The following RBFOX1 variants were observed in gnomAD, a reference collection of about 807,000 sequenced individuals.
The protein encoded by RBFOX1 is RNA binding fox-1 homolog 1, also known as RNA binding protein fox-1 homolog 1.
Under a neutral mutation model 57.7 loss-of-function variants are expected in RBFOX1, and 8 were observed. The ratio of observed to expected loss-of-function variants is 0.14; its 90% CI spans 0.08 to 0.25. The LOEUF is 0.25. Ranked by LOEUF, RBFOX1 falls within the 10% of genes least tolerant of loss-of-function variation. RBFOX1 has a pLI of 1.00. For synonymous variants in RBFOX1, 326 were observed against 222.4 expected, an observed-to-expected ratio of 1.47 and a Z score of -4.15; for missense variants, 611 against 548.5, an observed-to-expected ratio of 1.11 and a Z score of -1.14.
At chr16:7,372,441 T>C (rs904331104) in intron 4 of RBFOX1, among the ~76,000 whole-genome samples, 2 of 152,194 alleles carry the variant, frequency 1.3e-5, no homozygotes, top group African/African-American at 4.8e-5. Flanking sequence ...TTCTTTTATT[T>C]ATTTGTGCTG....
rs568471387 is a variant in RBFOX1, at chr16:7,558,339, G to C, written c.271-21438G>C. ...ATTGCACTCTAGCCTTTGTGACAAA[G>C]TGAGGCTCTGTCTCAAAATAAGACA... On this transcript the variant is annotated intron_variant, in intron 5 of 15. Coordinates refer to ENST00000550418, the MANE Select transcript of RBFOX1 (RefSeq NM_018723.4). Among the ~76,000 whole-genome samples, 9 of 152,124 alleles carry C rather than the reference G, an allele frequency of 5.9e-5. No individual in the cohort carries two copies. In the East Asian group the frequency reaches 1.6e-3, roughly 26 times the overall value.
chr16:6,997,600 G>A (rs188018862), intron 3 of RBFOX1, among the ~76,000 whole-genome samples: 15 of 152,268 alleles, frequency 9.9e-5, no homozygotes, highest in South Asian at 4.1e-4. Context: ...GATAGACTGC[G>A]TTTTGCAAAC....
At chr16:6,050,973 G>T (rs776049459) in intron 1 of RBFOX1, among the ~76,000 whole-genome samples, 3 of 147,800 alleles carry the variant, frequency 2.0e-5, no homozygotes, top group African/African-American at 7.5e-5. Context: ...GACTCTGCTT[G>T]TCTTTGGTGG....
intron 2 of RBFOX1, among the ~76,000 whole-genome samples, chr16:6,466,092 G>T (rs553546535): frequency 6.6e-6 from 1 of 152,028 alleles, no homozygotes; most frequent in South Asian, 2.1e-4. Flanking sequence ...AGCCAGGTGT[G>T]GTGGTGGGCA....
chr16:5,539,858 CTT>C (rs2151057107), intron 2 of RBFOX1, among the ~76,000 whole-genome samples: 1 of 152,196 alleles, frequency 6.6e-6, no homozygotes, highest in East Asian at 1.9e-4. Flanking sequence ...TTTAAAATGA[CTT>C]TATTTTGGTC....
At chr16:7,094,776 G>GTGTGTGTGTGTGT (rs1567232654) in intron 4 of RBFOX1, among the ~76,000 whole-genome samples, 3 of 133,718 alleles carry the variant, frequency 2.2e-5, no homozygotes, top group South Asian at 2.4e-4. Context: ...GTGTGTGTGT[G>GTGTGTGTGTGTGT]GGTGTGTGTG....
intron 2 of RBFOX1, among the ~76,000 whole-genome samples, chr16:6,514,777 G>GA (rs2096338230): frequency 6.6e-6 from 1 of 151,942 alleles, no homozygotes; most frequent in African/African-American, 2.4e-5. Context: ...GGGTGGAGGA[G>GA]AAAAAAGTGA....
At chr16:6,783,185 A>T (rs2081318677) in intron 3 of RBFOX1, among the ~76,000 whole-genome samples, 1 of 151,894 alleles carries the variant, frequency 6.6e-6, no homozygotes, top group Non-Finnish European at 1.5e-5. Flanking sequence ...AAAAAAATTT[A>T]TTCAGCTAGT....
intron 4 of RBFOX1, among the ~76,000 whole-genome samples, chr16:7,503,162 G>C (rs1327033001): frequency 6.6e-6 from 1 of 152,174 alleles, no homozygotes; most frequent in Non-Finnish European, 1.5e-5. Context: ...CCATTGGGGA[G>C]AGTATTTGAT....
At chr16:6,132,581 TAGTCCAGG>T (rs1281786463) in intron 1 of RBFOX1, among the ~76,000 whole-genome samples, 4 of 152,160 alleles carry the variant, frequency 2.6e-5, no homozygotes, top group Admixed American at 2.0e-4. Flanking sequence ...CTGGGGAACA[TAGTCCAGG>T]AGTACACGTG....
intron 4 of RBFOX1, among the ~76,000 whole-genome samples, chr16:7,245,516 C>G (rs977847285): frequency 6.6e-6 from 1 of 152,052 alleles, no homozygotes; most frequent in African/African-American, 2.4e-5. Flanking sequence ...CCAACAGAGG[C>G]TATTATGATT....
intron 14 of RBFOX1, among the ~76,000 whole-genome samples, chr16:7,702,838 A>G (rs575246558): frequency 6.6e-6 from 1 of 152,328 alleles, no homozygotes; most frequent in East Asian, 1.9e-4. Flanking sequence ...TGTCTTCAAC[A>G]CATCATTTAT....
At chr16:7,089,960 CT>C (rs2060559145) in intron 4 of RBFOX1, among the ~76,000 whole-genome samples, 1 of 151,478 alleles carries the variant, frequency 6.6e-6, no homozygotes, top group African/African-American at 2.4e-5. Flanking sequence ...TGGATGCAGG[CT>C]GTTTAAGGAG....
chr16:6,390,052 G>A (rs2092517251), intron 2 of RBFOX1, among the ~76,000 whole-genome samples: 1 of 152,158 alleles, frequency 6.6e-6, no homozygotes, highest in Non-Finnish European at 1.5e-5. Flanking sequence ...TCTCATGGCT[G>A]TGAAATGACG....
At position 6,957,088 on chromosome 16, in the gene RBFOX1, GTTAT is replaced by G. The variant is rs1363932644; in HGVS notation, c.-15-94962_-15-94959del. On this transcript the variant is annotated intron_variant, in intron 3 of 15. Transcript: ENST00000550418. ...GGCTGCTGGTTGCCCATGTTTTTTG[GTTAT>G]TTATTTTATTTTTTTATTTTTATTT... Among the ~76,000 whole-genome samples the G allele has an allele frequency of 4.5e-5, 6 of 132,360 alleles. No individual in the cohort carries two copies. The South Asian group carries it at 1.0e-3, about 22-fold the overall frequency. The allele number at this position is 132,360 out of a possible 152,430, so 86.8% of individuals were successfully genotyped here. A position where few individuals can be genotyped will look rare whatever the true frequency, so the allele number is the denominator to read the frequency against.
intron 4 of RBFOX1, among the ~76,000 whole-genome samples, chr16:7,190,962 TC>T (rs1367775808): frequency 1.3e-5 from 2 of 151,740 alleles, no homozygotes; most frequent in Non-Finnish European, 2.9e-5. Context: ...ATCATCTCAA[TC>T]AGAACCTTGA....
At chr16:7,684,027 T>G (rs1249715263) in intron 14 of RBFOX1, among the ~76,000 whole-genome samples, 1 of 152,138 alleles carries the variant, frequency 6.6e-6, no homozygotes, top group South Asian at 2.1e-4. Flanking sequence ...TCTTTCAAGA[T>G]AAGATGAAAT....
At chr16:7,230,534 T>A (rs2093437636) in intron 4 of RBFOX1, among the ~76,000 whole-genome samples, 1 of 152,150 alleles carries the variant, frequency 6.6e-6, no homozygotes, top group Non-Finnish European at 1.5e-5. Context: ...CTTGACAGAT[T>A]CAGCCTCCCC....
chr16:7,092,328 A>C (rs1469564918), intron 4 of RBFOX1, among the ~76,000 whole-genome samples: 1 of 152,224 alleles, frequency 6.6e-6, no homozygotes, highest in African/African-American at 2.4e-5. Flanking sequence ...TCTCCATTTC[A>C]GATACATTAA....
Sources: gnomAD v4.1 joint callset for allele counts (sites outside exome capture counted in the v4.1 genomes callset) on GRCh38, gnomAD v4.1.1 for gene constraint, MANE v1.5 for transcripts, NCBI Gene and HGNC (gene_info 2026-07-23, HGNC 2026-07-21) for gene names.